ALDH18A1: variants seen among roughly 807,000 people sequenced by gnomAD.
The protein encoded by ALDH18A1 is delta-1-pyrroline-5-carboxylate synthase.
A neutral mutation model predicts 88.8 loss-of-function variants in ALDH18A1; 44 were observed. That is an observed-to-expected ratio of 0.50 (90% CI 0.39 to 0.64). The LOEUF (loss-of-function observed/expected upper bound fraction) is 0.64. ALDH18A1 is among the 30% of genes least tolerant of loss of function. ALDH18A1 has a pLI of 0.00. For missense variants in ALDH18A1, 782 were observed against 1,009.5 expected (o/e 0.77, Z 3.05); for synonymous variants, 331 against 372.1 (o/e 0.89, Z 1.27).
At chr10:95,653,115 G>A (rs2097912974) in intron 2 of ALDH18A1, among the ~76,000 whole-genome samples, 175 bp downstream of exon 2, 1 of 151,896 alleles carries the variant, frequency 6.6e-6, no homozygotes, top group African/African-American at 2.4e-5. Context: ...TTGAGTCCAA[G>A]AGGTCTGGAC....
At chr10:95,628,212 A>G (rs1449898810) in intron 8 of ALDH18A1, among the ~76,000 whole-genome samples, 156 bp downstream of exon 8, 2 of 152,244 alleles carry the variant, frequency 1.3e-5, no homozygotes, top group African/African-American at 4.8e-5. Flanking sequence ...TTGGAATGCA[A>G]CACTCATTAA....
At chr10:95,630,354 G>A (rs1252450350) in intron 7 of ALDH18A1, among the ~76,000 whole-genome samples, 5 of 152,190 alleles carry the variant, frequency 3.3e-5, no homozygotes, top group African/African-American at 1.2e-4. Flanking sequence ...TTGCTATAAA[G>A]ATTGAATAAA....
chr10:95,621,915 A>G (rs959073080), intron 11 of ALDH18A1, among the ~76,000 whole-genome samples: 1 of 152,200 alleles, frequency 6.6e-6, no homozygotes, highest in South Asian at 2.1e-4. Context: ...TATAAATAAT[A>G]TATCTAGGTT....
chr10:95,633,111 G>A, intron 6 of ALDH18A1, 62 bp from the exon 7 acceptor site: 1 of 1,454,302 alleles, frequency 6.9e-7, no homozygotes, highest in South Asian at 1.1e-5. Context: ...GAAATTCATG[G>A]AAGAACACAG....
chr10:95,622,057 A>G (rs1222977028), intron 11 of ALDH18A1, among the ~76,000 whole-genome samples: 1 of 152,242 alleles, frequency 6.6e-6, no homozygotes, highest in Non-Finnish European at 1.5e-5. Flanking sequence ...GAACGCATCC[A>G]GAATAGTAAT....
At chr10:95,639,634 A>G (rs2139630481) in intron 3 of ALDH18A1, among the ~76,000 whole-genome samples, 1 of 151,882 alleles carries the variant, frequency 6.6e-6, no homozygotes, top group South Asian at 2.1e-4. Context: ...GGAATATTTC[A>G]ATGATTTCCT....
chr10:95,636,031 C>A (rs1416426202), intron 5 of ALDH18A1, among the ~76,000 whole-genome samples: 1 of 152,124 alleles, frequency 6.6e-6, no homozygotes, highest in Non-Finnish European at 1.5e-5. Context: ...AAAGTGGGGT[C>A]CCCAGCCATA....
At chr10:95,646,775 A>G (rs1404129261) in intron 2 of ALDH18A1, among the ~76,000 whole-genome samples, 7 of 152,188 alleles carry the variant, frequency 4.6e-5, no homozygotes, top group Non-Finnish European at 1.0e-4. Flanking sequence ...CTTAGTAGGT[A>G]TGAGGGCATA....
At position 95,611,356 on chromosome 10, in the gene ALDH18A1, G is replaced by A. The variant is rs1246675202; in HGVS notation, c.2010C>T (p.Asp670=). The change falls in exon 16 of 18, where the codon GAC becomes GAT. Residue 670 remains aspartate (D), a synonymous_variant. Coordinates refer to ENST00000371224, the MANE Select transcript of ALDH18A1 (RefSeq NM_002860.4). The stretch of plus-strand genomic sequence containing the variant: ...CCACTACTTCAATGCATAATTCCAG[G>A]TCCCCATACTCAGTTCGGAGTGACT... The part of the protein sequence containing the change: ...EVKSLRTEYG[D]LELCIEVVDN... The A allele has an allele frequency of 6.2e-7, 1 of 1,614,186 alleles. No homozygotes were observed. The highest frequency in any genetic ancestry group is 2.2e-5 in the East Asian group (1 of 44,890).
intron 16 of ALDH18A1, 122 bp downstream of exon 16, chr10:95,611,134 A>C: frequency 2.6e-6 from 3 of 1,171,294 alleles, no homozygotes; most frequent in Non-Finnish European, 3.8e-6. Context: ...TGCAACCACT[A>C]CTAAACATTA....
chr10:95,609,085 C>T (rs553066472), intron 17 of ALDH18A1, among the ~76,000 whole-genome samples: 115 of 152,126 alleles, frequency 7.6e-4, no homozygotes, highest in African/African-American at 2.7e-3. Context: ...ATGTTGGTCA[C>T]GCTGATCTCC....
At chr10:95,608,046 C>T (rs10786226) in intron 17 of ALDH18A1, among the ~76,000 whole-genome samples, 63,900 of 152,120 alleles carry the variant, frequency 0.42, 15,320 homozygotes, top group Non-Finnish European at 0.54. Context: ...GAGAATTCAT[C>T]TTGTAGAATG....
Position 95,637,277 on chromosome 10 carries a change from C to G in ALDH18A1, c.453+10G>C. The G allele has an allele frequency of 6.2e-7, 1 of 1,614,198 alleles. No homozygotes were observed. The highest frequency in any genetic ancestry group is 8.5e-7 in the Non-Finnish European group (1 of 1,180,032). On this transcript the variant is annotated intron_variant, in intron 4 of 17. Transcript: ENST00000371224. ...AGATCCATTTCAATGTGTGGGGAAG[C>G]AGCACTCACCATTTCTTTCAGCTGG...
chr10:95,619,791 G>C (rs955262889), intron 12 of ALDH18A1, among the ~76,000 whole-genome samples: 1 of 152,160 alleles, frequency 6.6e-6, no homozygotes, highest in African/African-American at 2.4e-5. Context: ...ATTAATTCAA[G>C]ATGGATTAAA....
intron 15 of ALDH18A1, among the ~76,000 whole-genome samples, chr10:95,613,259 C>G (rs1483662729): frequency 6.6e-6 from 1 of 152,112 alleles, no homozygotes; most frequent in Non-Finnish European, 1.5e-5. Context: ...AAACATAATC[C>G]AGGGAGACAT....
intron 3 of ALDH18A1, among the ~76,000 whole-genome samples, chr10:95,639,894 C>T (rs935627642): frequency 6.6e-6 from 1 of 151,058 alleles, no homozygotes; most frequent in Non-Finnish European, 1.5e-5. Context: ...CTTTGTATAC[C>T]CTATAAACTG....
At chr10:95,645,318 C>T (rs564866956) in intron 2 of ALDH18A1, among the ~76,000 whole-genome samples, 34 of 152,336 alleles carry the variant, frequency 2.2e-4, no homozygotes, top group African/African-American at 7.7e-4. Context: ...TTCCAAGCCA[C>T]CTTTTGAACC....
At chr10:95,651,586 C>G (rs1405354667) in intron 2 of ALDH18A1, among the ~76,000 whole-genome samples, 1 of 152,156 alleles carries the variant, frequency 6.6e-6, no homozygotes, top group Non-Finnish European at 1.5e-5. Flanking sequence ...ATAATCATGG[C>G]AGAAGGCAAA....
chr10:95,636,851 T>C (rs2097881598), intron 5 of ALDH18A1, among the ~76,000 whole-genome samples: 2 of 152,244 alleles, frequency 1.3e-5, no homozygotes, highest in South Asian at 4.1e-4. Context: ...AACACTATAC[T>C]AAATGCTTTT....
Sources: allele counts gnomAD v4.1 joint callset (sites outside exome capture counted in the v4.1 genomes callset), GRCh38; gene constraint gnomAD v4.1.1; transcripts MANE v1.5; gene names NCBI Gene and HGNC (gene_info 2026-07-23, HGNC 2026-07-21).